The following CFHR3 variants were observed in gnomAD, a reference collection of about 807,000 sequenced individuals.
CFHR3 encodes the protein complement factor H-related protein 3.
A neutral mutation model predicts 36.0 loss-of-function variants in CFHR3; 22 were observed. That is an observed-to-expected ratio of 0.61 (90% CI 0.44 to 0.87). The LOEUF is 0.87. Among genes scored for constraint, CFHR3 ranks in the 40% least tolerant of loss-of-function variants. The pLI is 0.00. For synonymous variants in CFHR3, 97 were observed against 137.4 expected (o/e 0.71, Z 2.06); for missense variants, 276 against 401.3 (o/e 0.69, Z 2.67).
chr1:196,789,268 A>G, intron 4 of CFHR3: 1 of 784,340 alleles, frequency 1.3e-6, no homozygotes, highest in South Asian at 6.1e-5. Flanking sequence ...ACATAATACA[A>G]CATGGAAGAC....
At chr1:196,784,017 G>T (rs1654081666) in intron 3 of CFHR3, among the ~76,000 whole-genome samples, 2 of 135,362 alleles carry the variant, frequency 1.5e-5, no homozygotes, top group African/African-American at 6.2e-5. Context: ...TGTTCTCGTT[G>T]GTTTCAAAGA....
chr1:196,778,144 G>A (rs1653807455), intron 1 of CFHR3, among the ~76,000 whole-genome samples: 1 of 135,656 alleles, frequency 7.4e-6, no homozygotes, highest in Admixed American at 7.1e-5. Context: ...CCAATATGGA[G>A]GAGACACTCA....
chr1:196,783,340 C>G (rs1364668828), intron 3 of CFHR3, among the ~76,000 whole-genome samples: 1 of 135,020 alleles, frequency 7.4e-6, no homozygotes, highest in Non-Finnish European at 1.6e-5. Flanking sequence ...GGAGGATTCC[C>G]TCTTTTTCTA....
chr1:196,780,793 C>CT, intron 3 of CFHR3, among the ~76,000 whole-genome samples: 1 of 132,262 alleles, frequency 7.6e-6, no homozygotes, highest in Admixed American at 7.2e-5. Flanking sequence ...TTTTTTGGTT[C>CT]TTTTTTTATA....
Position 196,794,881 on chromosome 1 carries a change from G to A in CFHR3, c.*1368G>A, listed in dbSNP as rs1654535962. The A allele has an allele frequency of 6.6e-6, 1 of 150,748 alleles. No individual in the cohort carries two copies. Among genetic ancestry groups the A allele is most frequent in the Non-Finnish European group, 1.4e-5 (1 of 73,496 alleles). 9.3% of individuals were successfully genotyped at this position (150,748 alleles called of 1,614,324 possible). On this transcript the variant is annotated 3_prime_UTR_variant, in exon 6 of 6. Transcript: ENST00000367425. ...TTGTATAATGATCTAGTCCTGTACA[G>A]AATGAGAAATATTAATTGCTAGACT...
rs972069712 is a variant in CFHR3, at chr1:196,779,685, T to C, written c.254-112T>C. 4.6e-5 allele frequency: 60 copies of C among 1,309,012 alleles called. 10 individuals are homozygous for C. Among genetic ancestry groups the C allele is most frequent in the Non-Finnish European group, 5.9e-5 (58 of 983,890 alleles). The allele number at this position is 1,309,012 out of a possible 1,614,324, so 81.1% of individuals were successfully genotyped here. A position where few individuals can be genotyped will look rare whatever the true frequency, so the allele number is the denominator to read the frequency against. ...GTTCATACTAAGTTGTACATTATTT[T>C]TGGATGTTTATGCGATCTTATTTAA... On this transcript the variant is annotated intron_variant, in intron 2 of 5. Transcript: ENST00000367425.
intron 3 of CFHR3, among the ~76,000 whole-genome samples, chr1:196,781,216 G>C (rs1385538277): frequency 7.4e-6 from 1 of 134,884 alleles, no homozygotes; most frequent in Non-Finnish European, 1.6e-5. Flanking sequence ...GGACATTTGG[G>C]TTGGTTCCAA....
chr1:196,774,861 T>A lies in CFHR3; in HGVS notation c.-26T>A. On this transcript the variant is annotated 5_prime_UTR_variant, in exon 1 of 6. Coordinates refer to ENST00000367425, the MANE Select transcript of CFHR3 (RefSeq NM_021023.6). Reference sequence around the variant, plus strand: ...AAACAGTGCAACTGAAACTTTTGTATTAGCATACTACTGAGAATATCTAAC... The same window carrying A: ...AAACAGTGCAACTGAAACTTTTGTAATAGCATACTACTGAGAATATCTAAC... 6.7e-7 allele frequency: 1 copy of A among 1,499,618 alleles called. No homozygotes were observed. Among genetic ancestry groups the A allele is most frequent in the Non-Finnish European group, 9.1e-7 (1 of 1,104,112 alleles). The allele number at this position is 1,499,618 out of a possible 1,614,324, so 92.9% of individuals were successfully genotyped here.
chr1:196,788,421 T>A (rs1654297037), intron 4 of CFHR3, 23 bp downstream of exon 4: 2 of 1,522,024 alleles, frequency 1.3e-6, no homozygotes, highest in Admixed American at 3.6e-5. Context: ...CATATTCCCA[T>A]TCAGTTTCTG....
chr1:196,788,757 C>T lies in CFHR3; in HGVS notation c.613+359C>T, dbSNP rs1409216809. The T allele has an allele frequency of 9.0e-6, 13 of 1,451,020 alleles. 1 individual carries two copies. Among genetic ancestry groups the T allele is most frequent in the African/African-American group, 5.1e-5 (3 of 59,022 alleles). 89.9% of individuals were successfully genotyped at this position (1,451,020 alleles called of 1,614,324 possible). ...TCAAAATTATCAGCTGCTTGTATTGCATTCCGTGCTCACGCTCAGAAAAGT... is the reference window on the plus strand; with the variant it reads ...TCAAAATTATCAGCTGCTTGTATTGTATTCCGTGCTCACGCTCAGAAAAGT... On this transcript the variant is annotated intron_variant, in intron 4 of 5. Coordinates refer to ENST00000367425, the MANE Select transcript of CFHR3 (RefSeq NM_021023.6).
At position 196,784,950 on chromosome 1, in the gene CFHR3, C is replaced by G. The variant is rs1573116820; in HGVS notation, c.431-3266C>G. 2.9e-5 allele frequency among the ~76,000 whole-genome samples: 4 copies of G among 136,640 alleles called. 1 individual carries two copies. The highest frequency in any genetic ancestry group is 1.2e-4 in the African/African-American group (4 of 32,598). The allele number at this position is 136,640 out of a possible 152,430, so 89.6% of individuals were successfully genotyped here. On this transcript the variant is annotated intron_variant, in intron 3 of 5. Transcript: ENST00000367425. Reference sequence around the variant, plus strand: ...TTTGCAGTGGCTGGTACCAGTTGTTCCTTTCCATGTTTAGTGCTTCCTTCA... The same window carrying G: ...TTTGCAGTGGCTGGTACCAGTTGTTGCTTTCCATGTTTAGTGCTTCCTTCA...
rs1480600145 is a variant in CFHR3, at chr1:196,793,625, T to C, written c.*112T>C. On this transcript the variant is annotated 3_prime_UTR_variant, in exon 6 of 6. Coordinates refer to ENST00000367425, the MANE Select transcript of CFHR3 (RefSeq NM_021023.6). ...TGATATTGTTGTAATTTCTACTTTA[T>C]TTCAAAGAAAATTAATATAATAGTT... The C allele has an allele frequency of 1.3e-5, 14 of 1,048,100 alleles. No individual in the cohort carries two copies. The allele number at this position is 1,048,100 out of a possible 1,614,324, so 64.9% of individuals were successfully genotyped here.
chr1:196,794,966 C>T lies in CFHR3; in HGVS notation c.*1453C>T, dbSNP rs1654537674. The T allele has an allele frequency of 8.7e-6, 1 of 115,014 alleles. No individual in the cohort carries two copies. The highest frequency in any genetic ancestry group is 4.5e-5 in the African/African-American group (1 of 22,030). 7.1% of individuals were successfully genotyped at this position (115,014 alleles called of 1,614,324 possible). A position where few individuals can be genotyped will look rare whatever the true frequency, so the allele number is the denominator to read the frequency against. On this transcript the variant is annotated 3_prime_UTR_variant, in exon 6 of 6. Transcript: ENST00000367425. Reference sequence around the variant, plus strand: ...TTTTAAGACTGAAGAATGATATAAGCTATCAAATCTAACTCAGTTTTCAAA... The same window carrying T: ...TTTTAAGACTGAAGAATGATATAAGTTATCAAATCTAACTCAGTTTTCAAA...
chr1:196,791,327 A>C lies in CFHR3; in HGVS notation c.796+1100A>C, dbSNP rs1303401842. 2.2e-5 allele frequency among the ~76,000 whole-genome samples: 3 copies of C among 136,752 alleles called. 1 individual carries two copies. Among genetic ancestry groups the C allele is most frequent in the African/African-American group, 9.2e-5 (3 of 32,570 alleles). 89.7% of individuals were successfully genotyped at this position (136,752 alleles called of 152,430 possible). ...CAACACAACTCAAAAAATATAAGCC[A>C]CAATGATTATGGCAACAACAAGAAA... On this transcript the variant is annotated intron_variant, in intron 5 of 5. Coordinates refer to ENST00000367425, the MANE Select transcript of CFHR3 (RefSeq NM_021023.6).
rs190036533 is a variant in CFHR3, at chr1:196,778,048, T to G, written c.59-1114T>G. 3.7e-5 allele frequency among the ~76,000 whole-genome samples: 5 copies of G among 134,366 alleles called. 1 individual carries two copies. In the East Asian group the frequency reaches 9.8e-4, roughly 26 times the overall value. The allele number at this position is 134,366 out of a possible 152,430, so 88.1% of individuals were successfully genotyped here. ...ATGATTTCCTTTAATATATGTCCCT[T>G]TCTTCTTCAGACTAAATAGCCTGCA... On this transcript the variant is annotated intron_variant, in intron 1 of 5. Transcript: ENST00000367425.
In CFHR3 at chr1:196,787,465, G is replaced by A. The variant is rs185211319; in HGVS notation, c.431-751G>A. Reference sequence around the variant, plus strand: ...TCTTTTTCTTTCAGATAGTAAAATTGGTCCATTTACATTTGTTTTTGAATT... The same window carrying A: ...TCTTTTTCTTTCAGATAGTAAAATTAGTCCATTTACATTTGTTTTTGAATT... On this transcript the variant is annotated intron_variant, in intron 3 of 5. Coordinates refer to ENST00000367425, the MANE Select transcript of CFHR3 (RefSeq NM_021023.6). 5.4e-3 allele frequency among the ~76,000 whole-genome samples: 729 copies of A among 136,196 alleles called. 183 individuals carry two copies. The highest frequency in any genetic ancestry group is 0.022 in the African/African-American group (704 of 32,482). The allele number at this position is 136,196 out of a possible 152,430, so 89.3% of individuals were successfully genotyped here. A position where few individuals can be genotyped will look rare whatever the true frequency, so the allele number is the denominator to read the frequency against.
At position 196,776,697 on chromosome 1, in the gene CFHR3, G is replaced by A. The variant is rs1226067876; in HGVS notation, c.58+1753G>A. On this transcript the variant is annotated intron_variant, in intron 1 of 5. Transcript: ENST00000367425. Reference sequence around the variant, plus strand: ...CTATATCTCAAACTAGTAGCCTCCAGAACTGTGAGAAAATAAATTTCTATG... The same window carrying A: ...CTATATCTCAAACTAGTAGCCTCCAAAACTGTGAGAAAATAAATTTCTATG... Among the ~76,000 whole-genome samples the A allele has an allele frequency of 2.2e-5, 3 of 136,764 alleles. 1 individual carries two copies. The highest frequency in any genetic ancestry group is 4.7e-5 in the Non-Finnish European group (3 of 64,470). The allele number at this position is 136,764 out of a possible 152,430, so 89.7% of individuals were successfully genotyped here. A position where few individuals can be genotyped will look rare whatever the true frequency, so the allele number is the denominator to read the frequency against.
intron 1 of CFHR3, among the ~76,000 whole-genome samples, chr1:196,777,931 G>A (rs1302496694): frequency 2.5e-5 from 3 of 121,728 alleles, no homozygotes; most frequent in African/African-American, 1.1e-4. Context: ...AGGTTGCAGT[G>A]AGCCGAGATG....
chr1:196,783,718 C>T (rs1227828551), intron 3 of CFHR3, among the ~76,000 whole-genome samples: 4 of 135,838 alleles, frequency 2.9e-5, no homozygotes, highest in African/African-American at 9.3e-5. Flanking sequence ...CTCTTGCTAG[C>T]AGTCTATCGA....
Sources: allele counts gnomAD v4.1 joint callset (sites outside exome capture counted in the v4.1 genomes callset), GRCh38; gene constraint gnomAD v4.1.1; transcripts MANE v1.5; gene names NCBI Gene and HGNC (gene_info 2026-07-23, HGNC 2026-07-21).